CRLS1: variants seen among roughly 807,000 people sequenced by gnomAD.
CRLS1 encodes the protein cardiolipin synthase 1, also known as cardiolipin synthase (CMP-forming).
A neutral mutation model predicts 37.0 loss-of-function variants in CRLS1; 24 were observed. The ratio of observed to expected loss-of-function variants is 0.65; its 90% confidence interval spans 0.47 to 0.91. The LOEUF is 0.91. Ranked by LOEUF, CRLS1 falls within the 40% of genes least tolerant of loss-of-function variation. CRLS1 has a pLI of 0.00. For synonymous variants in CRLS1, 135 were observed against 159.7 expected, an observed-to-expected ratio of 0.85 and a Z score of 1.17; for missense variants, 373 against 395.8, an observed-to-expected ratio of 0.94 and a Z score of 0.49.
chr20:6,028,210 TCTTC>T (rs1979877110), intron 3 of CRLS1: 2 of 152,162 alleles, frequency 1.3e-5, no homozygotes, highest in African/African-American at 4.8e-5. Context: ...TTTTTTGCTT[TCTTC>T]CTTCGCTAGA....
chr20:6,007,159 G>A, intron 1 of CRLS1: 2 of 1,202,316 alleles, frequency 1.7e-6, no homozygotes, highest in Non-Finnish European at 2.2e-6. Flanking sequence ...GAGCATGAGT[G>A]TGGGAGAGCT....
intron 1 of CRLS1, chr20:6,007,466 T>C (rs180677641): frequency 6.5e-7 from 1 of 1,549,298 alleles, no homozygotes; most frequent in East Asian, 2.3e-5. Context: ...TTGAAACTTT[T>C]ACGGATTTAA....
At chr20:6,018,216 C>CAAAA (rs57874755) in intron 3 of CRLS1, among the ~76,000 whole-genome samples, 5,893 of 78,112 alleles carry the variant, frequency 0.075, 580 homozygotes, top group African/African-American at 0.17. Context: ...ACTCTGTCCT[C>CAAAA]AAAAAAAAAA....
intron 6 of CRLS1, among the ~76,000 whole-genome samples, chr20:6,036,662 G>A (rs1165607919): frequency 2.0e-5 from 3 of 152,156 alleles, no homozygotes; most frequent in Non-Finnish European, 4.4e-5. Context: ...CAAGTTACCC[G>A]GGTCTTCCAT....
chr20:6,023,634 CT>C (rs1979442363), intron 3 of CRLS1, among the ~76,000 whole-genome samples: 1 of 83,984 alleles, frequency 1.2e-5, no homozygotes, highest in Non-Finnish European at 2.3e-5. Context: ...TTTTAAAAAT[CT>C]TTGTTTTTTT....
intron 2 of CRLS1, among the ~76,000 whole-genome samples, chr20:6,010,425 T>A (rs1349633559): frequency 6.6e-6 from 1 of 152,184 alleles, no homozygotes; most frequent in Non-Finnish European, 1.5e-5. Flanking sequence ...AGGCTGTAGG[T>A]ACCCCCACAG....
At position 6,006,320 on chromosome 20, in the gene CRLS1, C is replaced by A. The variant is rs1323579444; in HGVS notation, c.74C>A (p.Pro25Gln). ...RGAAWAPGTR[P>Q]SKRRACWALL... The stretch of plus-strand genomic sequence containing the variant: ...GCCGCTTGGGCTCCGGGAACGCGGC[C>A]GAGTAAGCGACGCGCCTGCTGGGCC... Residue 25 changes from proline (P) to glutamine (Q), a missense_variant, in exon 1 of 7, where the codon CCG becomes CAG. Transcript: ENST00000378863. 1 of 1,338,092 alleles carries A rather than the reference C, an allele frequency of 7.5e-7. No individual in the cohort carries two copies. The highest frequency in any genetic ancestry group is 2.0e-5 in the South Asian group (1 of 50,920). The allele number at this position is 1,338,092 out of a possible 1,614,324, so 82.9% of individuals were successfully genotyped here.
At chr20:6,017,874 T>C (rs188903980) in intron 3 of CRLS1, among the ~76,000 whole-genome samples, 46 of 152,340 alleles carry the variant, frequency 3.0e-4, no homozygotes, top group African/African-American at 1.1e-3. Context: ...GTTAGACTTA[T>C]TCCTAAGTAC....
At chr20:6,028,389 G>C (rs1473803581) in intron 3 of CRLS1, 4 of 151,718 alleles carry the variant, frequency 2.6e-5, no homozygotes, top group Non-Finnish European at 5.9e-5. Context: ...TATTTGTTCT[G>C]CCACATTTTT....
At chr20:6,021,554 A>G (rs1403308230) in intron 3 of CRLS1, among the ~76,000 whole-genome samples, 1 of 152,146 alleles carries the variant, frequency 6.6e-6, no homozygotes, top group Non-Finnish European at 1.5e-5. Flanking sequence ...TGCATGATAA[A>G]TGTTTTACCT....
chr20:6,016,723 G>A (rs751572943), intron 3 of CRLS1, among the ~76,000 whole-genome samples: 4 of 152,124 alleles, frequency 2.6e-5, no homozygotes, highest in Non-Finnish European at 5.9e-5. Context: ...TTATATGATT[G>A]GTGTAGGTTG....
At chr20:6,024,513 C>A (rs1281451896) in intron 3 of CRLS1, among the ~76,000 whole-genome samples, 2 of 152,210 alleles carry the variant, frequency 1.3e-5, no homozygotes, top group Non-Finnish European at 2.9e-5. Flanking sequence ...TCTCCCTCTC[C>A]TCAGGCCTCC....
chr20:6,022,291 C>G (rs932879928), intron 3 of CRLS1, among the ~76,000 whole-genome samples: 4 of 138,392 alleles, frequency 2.9e-5, no homozygotes, highest in Non-Finnish European at 6.2e-5. Flanking sequence ...GCTCAGTCAT[C>G]TTCTTCCATT....
intron 1 of CRLS1, 159 bp downstream of exon 1, chr20:6,006,711 T>G (rs1325940068): frequency 2.0e-6 from 2 of 985,306 alleles, no homozygotes. Context: ...TCGGTCGGGA[T>G]GAATTTCAGG....
rs1370188305 is a variant in CRLS1 at position 6,006,485 on chromosome 20, C to T, written c.239C>T (p.Ala80Val). The T allele has an allele frequency of 1.1e-5, 15 of 1,375,470 alleles. No homozygotes were observed. The highest frequency in any genetic ancestry group is 2.6e-4 in the Middle Eastern group (1 of 3,778). The allele number at this position is 1,375,470 out of a possible 1,614,324, so 85.2% of individuals were successfully genotyped here. A position where few individuals can be genotyped will look rare whatever the true frequency, so the allele number is the denominator to read the frequency against. Residue 80 changes from alanine to valine, a missense_variant, in exon 1 of 7, where the codon GCG (alanine) becomes GTG (valine). Physicochemically the swap from Ala to Val is moderately conservative, Grantham distance 64. Transcript: ENST00000378863. ...GCGGGGAAGGCGGCTCCCAGGCCAG[C>T]GGCCGGAGCGGGCGCCGCTGCCGAA... is the stretch of plus-strand genomic sequence containing the variant. ...SGAGKAAPRP[A>V]AGAGAAAEAP...
rs148165557 is a variant in CRLS1 at position 6,039,491 on chromosome 20, T to G, written c.*2333T>G. On this transcript the variant is annotated 3_prime_UTR_variant, in exon 7 of 7. Coordinates refer to ENST00000378863, the MANE Select transcript of CRLS1 (RefSeq NM_019095.6). The stretch of plus-strand genomic sequence containing the variant: ...CACCTAGAAATATATATAGTGCAGT[T>G]CAGTTTTAGTTTCTGCAGCATGGTT... 3.3e-5 allele frequency: 5 copies of G among 152,228 alleles called. No individual in the cohort carries two copies. The highest frequency in any genetic ancestry group is 3.3e-4 in the Admixed American group (5 of 15,280). The allele number at this position is 152,228 out of a possible 1,614,324, so 9.4% of individuals were successfully genotyped here. A position where few individuals can be genotyped will look rare whatever the true frequency, so the allele number is the denominator to read the frequency against.
At chr20:6,013,143 A>G (rs1677644384) in intron 2 of CRLS1, among the ~76,000 whole-genome samples, 1 of 151,928 alleles carries the variant, frequency 6.6e-6, no homozygotes, top group Non-Finnish European at 1.5e-5. Flanking sequence ...CTATGTGTAT[A>G]TAGATAGATA....
intron 6 of CRLS1, among the ~76,000 whole-genome samples, chr20:6,036,846 G>A (rs528598013): frequency 2.0e-4 from 31 of 152,218 alleles, no homozygotes; most frequent in Admixed American, 1.6e-3. Flanking sequence ...AATTTGTAGG[G>A]CTCATTATCT....
intron 2 of CRLS1, among the ~76,000 whole-genome samples, chr20:6,013,222 CTTTT>C (rs10574006): frequency 8.5e-5 from 11 of 129,034 alleles, no homozygotes; most frequent in Non-Finnish European, 1.1e-4. Context: ...TTTGTTTGGC[CTTTT>C]TTTTTTTTTT....
Sources: gnomAD v4.1 joint callset for allele counts (sites outside exome capture counted in the v4.1 genomes callset) on GRCh38, gnomAD v4.1.1 for gene constraint, MANE v1.5 for transcripts, NCBI Gene and HGNC (gene_info 2026-07-23, HGNC 2026-07-21) for gene names.